The following BCAN variants were observed in gnomAD, a reference collection of about 807,000 sequenced individuals.
BCAN encodes the protein brevican core protein.
A neutral mutation model predicts 92.4 loss-of-function variants in BCAN; 51 were observed. The ratio of observed to expected loss-of-function variants is 0.55; its 90% CI spans 0.44 to 0.70. The LOEUF (loss-of-function observed/expected upper bound fraction) is 0.70, where lower values mean the gene tolerates loss of function less well. Ranked by LOEUF, BCAN falls within the 30% of genes least tolerant of loss-of-function variation. The probability of loss-of-function intolerance (pLI) is 0.00; values close to 1 mark genes in which losing one functional copy is unlikely to be tolerated. For synonymous variants in BCAN, 501 were observed against 505.2 expected (o/e 0.99, Z 0.11); for missense variants, 1,140 against 1,212.1 (o/e 0.94, Z 0.88).
At chr1:156,650,905 T>C (rs1679140383) in intron 6 of BCAN, among the ~76,000 whole-genome samples, 1 of 152,212 alleles carries the variant, frequency 6.6e-6, no homozygotes, top group African/African-American at 2.4e-5. Context: ...ATCGTGCCAC[T>C]GCACTCCAGC....
In BCAN at chr1:156,642,814, AGTT is replaced by A. The variant is rs1678834662; in HGVS notation, c.-9+541_-9+543del. 6.6e-6 allele frequency: 1 copy of A among 152,248 alleles called. No homozygotes were observed. Among genetic ancestry groups the A allele is most frequent in the African/African-American group, 2.4e-5 (1 of 41,442 alleles). 9.4% of individuals were successfully genotyped at this position (152,248 alleles called of 1,614,324 possible). A position where few individuals can be genotyped will look rare whatever the true frequency, so the allele number is the denominator to read the frequency against. ...CTTGCTCTGTGACCTTGGGGTAGTTAGTTGACTTCTCTGAACCTCGGGTTCCTC... is the reference window on the plus strand; with the variant it reads ...CTTGCTCTGTGACCTTGGGGTAGTTAGACTTCTCTGAACCTCGGGTTCCTC... On this transcript the variant is annotated intron_variant, in intron 1 of 13. Transcript: ENST00000329117. The surrounding 1 kb of genome is among the most constrained non-coding windows in gnomAD (Gnocchi z 4.2).
At chr1:156,646,682 AG>A (rs1380897324) in intron 2 of BCAN, 118 bp from the exon 3 acceptor site, 22 of 1,437,890 alleles carry the variant, frequency 1.5e-5, no homozygotes, top group African/African-American at 1.0e-4. Context: ...CCCTGGTCCT[AG>A]GGGGGCCGGG....
At position 156,657,034 on chromosome 1, in the gene BCAN, G is replaced by T. The variant is rs1447480156; in HGVS notation, c.2147G>T (p.Cys716Phe). 1 of 1,614,230 alleles carries T rather than the reference G, an allele frequency of 6.2e-7. No individual in the cohort carries two copies. Among genetic ancestry groups the T allele is most frequent in the Non-Finnish European group, 8.5e-7 (1 of 1,180,028 alleles). Residue 716 changes from cysteine to phenylalanine, a missense_variant, in exon 10 of 14, where the codon TGC becomes TTC. This residue lies in a region of BCAN where 825 missense variants were observed against 871.8 expected (regional missense o/e 0.95). Transcript: ENST00000329117. ...AGCTGGGAGGAGGCAGAGACCCAGT[G>T]CCGGATGTACGGCGCGCATCTGGCC... The part of the protein sequence containing the change: ...RRSWEEAETQ[C>F]RMYGAHLASI...
In BCAN at chr1:156,652,913, A is replaced by G. The variant is rs143769968; in HGVS notation, c.1942+21A>G. On this transcript the variant is annotated intron_variant, in intron 8 of 13. Coordinates refer to ENST00000329117, the MANE Select transcript of BCAN (RefSeq NM_021948.5). ...ATCAGGTAATTCTGCCCAAGGCTCA[A>G]CTGCCCTCTCTATCCTACTCCTTTT... The G allele has an allele frequency of 4.4e-4, 708 of 1,612,628 alleles. 5 individuals are homozygous for G. The highest frequency in any genetic ancestry group is 8.1e-5 in the Non-Finnish European group (95 of 1,179,676).
intron 8 of BCAN, among the ~76,000 whole-genome samples, chr1:156,655,136 C>G (rs1175148332): frequency 6.6e-6 from 1 of 152,140 alleles, no homozygotes; most frequent in Non-Finnish European, 1.5e-5. Flanking sequence ...CTTACCATGG[C>G]TGAGGGCCAT....
chr1:156,658,987 G>A lies in BCAN; in HGVS notation c.2629-40G>A, dbSNP rs61586037. On this transcript the variant is annotated intron_variant, in intron 13 of 13. Transcript: ENST00000329117. The surrounding 1 kb of genome is among the most constrained non-coding windows in gnomAD (Gnocchi z 4.4). ...AGGGCAGGCTCTGAGGAGAGGAGAA[G>A]GAAGAGCCAGGGTGGAGGGTGAGTG... The A allele has an allele frequency of 9.4e-4, 1,437 of 1,529,366 alleles. 10 individuals are homozygous for A. In the African/African-American group the frequency reaches 0.017, roughly 19 times the overall value. The allele number at this position is 1,529,366 out of a possible 1,614,324, so 94.7% of individuals were successfully genotyped here.
At chr1:156,646,671 C>CCCCTGGCCCCTGGT in intron 2 of BCAN, 130 bp from the exon 3 acceptor site, 1 of 1,214,212 alleles carries the variant, frequency 8.2e-7, no homozygotes, top group Non-Finnish European at 1.1e-6. Context: ...TGGCCCCTGG[C>CCCCTGGCCCCTGGT]CCCTGGTCCT....
At chr1:156,654,597 G>A (rs1218822715) in intron 8 of BCAN, among the ~76,000 whole-genome samples, 3 of 152,352 alleles carry the variant, frequency 2.0e-5, no homozygotes, top group African/African-American at 4.8e-5. Flanking sequence ...CTGGGTTCAG[G>A]TTCTGTAGCC....
In BCAN at chr1:156,646,066, G is replaced by C. The variant is rs751773157; in HGVS notation, c.12G>C (p.Leu4=). Residue 4 remains leucine (L), a synonymous_variant, in exon 2 of 14, where the codon CTG becomes CTC. Coordinates refer to ENST00000329117, the MANE Select transcript of BCAN (RefSeq NM_021948.5). The part of the protein sequence containing the change: MAQ[L]FLPLLAALVL... The stretch of plus-strand genomic sequence containing the variant: ...TGTCAGCCTGCAGCATGGCCCAGCT[G>C]TTCCTGCCCCTGCTGGCAGCCCTGG... 7 of 1,613,330 alleles carry C rather than the reference G, an allele frequency of 4.3e-6. No homozygotes were observed. Among genetic ancestry groups the C allele is most frequent in the South Asian group, 1.1e-5 (1 of 91,060 alleles).
intron 9 of BCAN, 70 bp downstream of exon 9, chr1:156,656,459 G>A: frequency 1.7e-6 from 2 of 1,202,862 alleles, no homozygotes; most frequent in Non-Finnish European, 2.2e-6. Flanking sequence ...TCTGGAGGGG[G>A]GAGGGAGAAC....
chr1:156,653,306 G>A (rs886867696), intron 8 of BCAN: 3 of 1,080,928 alleles, frequency 2.8e-6, no homozygotes, highest in African/African-American at 3.3e-5. Context: ...GCCTCCTATT[G>A]ATCTCAGGGA....
In BCAN at chr1:156,647,263, A is replaced by G. The variant is rs1679016542; in HGVS notation, c.466+88A>G. ...CGGGGATCCCACAGTGTGAGAGGGA[A>G]GCAAAGGTAGCTGGAAGGCGCAGCC... On this transcript the variant is annotated intron_variant, in intron 3 of 13. Transcript: ENST00000329117. The surrounding 1 kb of genome is among the most constrained non-coding windows in gnomAD (Gnocchi z 4.8). The G allele has an allele frequency of 1.4e-6, 2 of 1,419,492 alleles. No individual in the cohort carries two copies. The highest frequency in any genetic ancestry group is 1.9e-6 in the Non-Finnish European group (2 of 1,071,510). The allele number at this position is 1,419,492 out of a possible 1,614,324, so 87.9% of individuals were successfully genotyped here.
intron 8 of BCAN, among the ~76,000 whole-genome samples, chr1:156,655,049 G>T (rs1001108579): frequency 2.6e-5 from 4 of 152,250 alleles, no homozygotes; most frequent in Admixed American, 2.0e-4. Flanking sequence ...CTTGGCCATG[G>T]CTTCTAGAGG....
chr1:156,648,488 T>C, intron 5 of BCAN, 80 bp from the exon 6 acceptor site: 2 of 1,428,598 alleles, frequency 1.4e-6, no homozygotes, highest in South Asian at 2.7e-5. Flanking sequence ...CTGGAGAAGC[T>C]TGCCCAGGGT....
At chr1:156,653,110 A>C in intron 8 of BCAN, 1 of 1,411,436 alleles carries the variant, frequency 7.1e-7, no homozygotes, top group Non-Finnish European at 9.2e-7. Flanking sequence ...CTGTGATCCC[A>C]GCCCCGCCAC....
chr1:156,651,156 T>A (rs898382126), intron 6 of BCAN, among the ~76,000 whole-genome samples: 1 of 152,234 alleles, frequency 6.6e-6, no homozygotes, highest in African/African-American at 2.4e-5. Flanking sequence ...CTTGTAAGAT[T>A]ATAATATATG....
At chr1:156,656,474 G>C (rs1679332993) in intron 9 of BCAN, 85 bp downstream of exon 9, 1 of 1,123,824 alleles carries the variant, frequency 8.9e-7, no homozygotes, top group Admixed American at 3.0e-5. Context: ...GAGAACATTG[G>C]TTTTGGCCTT....
rs1679395995 is a variant in BCAN at position 156,658,042 on chromosome 1, C to T, written c.2293-85C>T. The T allele has an allele frequency of 6.6e-7, 1 of 1,511,728 alleles. No individual in the cohort carries two copies. The highest frequency in any genetic ancestry group is 1.9e-5 in the Admixed American group (1 of 52,864). 93.6% of individuals were successfully genotyped at this position (1,511,728 alleles called of 1,614,324 possible). A position where few individuals can be genotyped will look rare whatever the true frequency, so the allele number is the denominator to read the frequency against. ...ACCTTCCCTCTCCTGGGGCCCCGCTCACCAGCCCTCCTCCCCAGATCCTCT... is the reference window on the plus strand; with the variant it reads ...ACCTTCCCTCTCCTGGGGCCCCGCTTACCAGCCCTCCTCCCCAGATCCTCT... On this transcript the variant is annotated intron_variant, in intron 11 of 13. Transcript: ENST00000329117. This position sits in a 1 kb window ranked among gnomAD's most constrained non-coding sequence, Gnocchi z 4.4.
intron 9 of BCAN, 119 bp downstream of exon 9, chr1:156,656,508 G>A (rs1424097526): frequency 3.9e-6 from 3 of 770,946 alleles, no homozygotes; most frequent in Admixed American, 3.2e-5. Context: ...CCCTGTTTTA[G>A]GCAAGTTGCA....
Sources: gnomAD v4.1 joint callset for allele counts (sites outside exome capture counted in the v4.1 genomes callset) on GRCh38, gnomAD v4.1.1 for gene constraint, gnomAD v4.1.1 regional missense constraint, Gnocchi (gnomAD v3.1) non-coding constraint, MANE v1.5 for transcripts, NCBI Gene and HGNC (gene_info 2026-07-23, HGNC 2026-07-21) for gene names.